The following SRCAP variants were observed in gnomAD, a reference collection of about 807,000 sequenced individuals.
SRCAP encodes Snf2 related CREBBP activator protein.
Under a neutral mutation model 263.1 loss-of-function variants are expected in SRCAP, and 46 were observed. The observed-to-expected ratio is 0.17, with a 90% CI of 0.14 to 0.22. The LOEUF is 0.22. Ranked by LOEUF, SRCAP falls within the 10% of genes least tolerant of loss-of-function variation. The pLI, the probability that SRCAP is intolerant of heterozygous loss-of-function variation, is 1.00. For synonymous variants in SRCAP, 1,813 were observed against 1,662.1 expected (o/e 1.09, Z -2.21); for missense variants, 3,695 against 4,181.9 (o/e 0.88, Z 3.21).
chr16:30,730,495 G>A (rs966735081), intron 27 of SRCAP, among the ~76,000 whole-genome samples: 35 of 151,762 alleles, frequency 2.3e-4, no homozygotes, highest in Admixed American at 3.9e-4. Flanking sequence ...GCAGTGGCTC[G>A]ATCTCGGCTC....
Position 30,713,529 on chromosome 16 carries a change from C to A in SRCAP, c.2311C>A (p.Leu771Met). 1 of 1,614,166 alleles carries A rather than the reference C, an allele frequency of 6.2e-7. No individual in the cohort carries two copies. Reference sequence around the variant, plus strand: ...TCTGTCTCTTTGCAGCCAGAGACGCCTGCTCCTGACAGGAACTCCCTTGCA... The same window carrying A: ...TCTGTCTCTTTGCAGCCAGAGACGCATGCTCCTGACAGGAACTCCCTTGCA... The part of the protein sequence containing the change: ...SLLNFNSQRR[L>M]LLTGTPLQNS... Residue 771 changes from leucine to methionine, a missense_variant, in exon 16 of 34, where the codon CTG (leucine) becomes ATG (methionine). By Grantham distance (15) the Leu-to-Met change is conservative (BLOSUM62 2). Transcript: ENST00000262518.
At chr16:30,716,845 A>G in intron 18 of SRCAP, among the ~76,000 whole-genome samples, 1 of 152,146 alleles carries the variant, frequency 6.6e-6, no homozygotes, top group East Asian at 1.9e-4. Flanking sequence ...CGTCTGCATC[A>G]CATTTTGTTT....
rs1596663662 is a variant in SRCAP, at chr16:30,733,120, G to A, written c.6128-160G>A. On this transcript the variant is annotated intron_variant, in intron 27 of 33. Transcript: ENST00000262518. This position sits in a 1 kb window ranked among gnomAD's most constrained non-coding sequence, Gnocchi z 5.3. ...CAGAGTGCAGGGACTACAGGTGTGAGCCACCATGCCCTGCCGTAGTTAAAC... is the reference window on the plus strand; with the variant it reads ...CAGAGTGCAGGGACTACAGGTGTGAACCACCATGCCCTGCCGTAGTTAAAC... Among the ~76,000 whole-genome samples the A allele has an allele frequency of 1.3e-5, 2 of 152,208 alleles. No individual in the cohort carries two copies. The highest frequency in any genetic ancestry group is 2.9e-5 in the Non-Finnish European group (2 of 68,038).
intron 23 of SRCAP, 74 bp downstream of exon 23, chr16:30,722,822 TCC>T: frequency 6.4e-7 from 1 of 1,553,520 alleles, no homozygotes; most frequent in Non-Finnish European, 8.7e-7. Context: ...CTACTGTCTG[TCC>T]AGCCTTCCCT....
intron 31 of SRCAP, among the ~76,000 whole-genome samples, chr16:30,735,625 G>A (rs185939683): frequency 8.8e-6 from 1 of 113,780 alleles, no homozygotes; most frequent in Non-Finnish European, 1.6e-5. Context: ...CTTTCGCCCA[G>A]GCTAGAGTGC....
intron 27 of SRCAP, among the ~76,000 whole-genome samples, chr16:30,729,800 G>C (rs1465654862): frequency 2.0e-5 from 3 of 151,990 alleles, no homozygotes; most frequent in African/African-American, 7.3e-5. Flanking sequence ...ACAAAGTCTC[G>C]CTCAGTCGCC....
In SRCAP at chr16:30,720,691, C is replaced by T. The variant is rs756127955; in HGVS notation, c.2988-22C>T. 10 of 1,572,358 alleles carry T rather than the reference C, an allele frequency of 6.4e-6. No individual in the cohort carries two copies. In the East Asian group the frequency reaches 1.8e-4, roughly 28 times the overall value. ...CTTATTCTCCTTCTGTCCCTACCCA[C>T]TCTCTTAATTTTTTCTCACAGGATG... On this transcript the variant is annotated intron_variant, in intron 19 of 33. Transcript: ENST00000262518.
intron 18 of SRCAP, among the ~76,000 whole-genome samples, chr16:30,717,452 G>C (rs1399980190): frequency 6.6e-6 from 1 of 151,248 alleles, no homozygotes; most frequent in Non-Finnish European, 1.5e-5. Context: ...TGTTTTTGGT[G>C]GTTTTTTTTT....
Position 30,737,605 on chromosome 16 carries a change from C to T in SRCAP, c.7565C>T (p.Thr2522Ile), listed in dbSNP as rs776374123. The T allele has an allele frequency of 1.2e-6, 2 of 1,614,094 alleles. No individual in the cohort carries two copies. Among genetic ancestry groups the T allele is most frequent in the South Asian group, 2.2e-5 (2 of 91,082 alleles). The change falls in exon 34 of 34, where the codon ACT becomes ATT. Residue 2522 changes from threonine (T) to isoleucine (I), a missense_variant. Transcript: ENST00000262518. ...CCTCCAGCCCAAACCTGTCTTGTAA[C>T]TCCTTCCTCTCCTCTCTTGCTTGGT... ...TPPPAQTCLV[T>I]PSSPLLLGPP...
chr16:30,713,089 G>C, intron 14 of SRCAP, 119 bp from the exon 15 acceptor site: 1 of 1,177,690 alleles, frequency 8.5e-7, no homozygotes, highest in South Asian at 1.4e-5. Context: ...CCATTCTTTT[G>C]CTGGGACTTT....
Position 30,712,842 on chromosome 16 carries a change from C to G in SRCAP, c.2130+27C>G, listed in dbSNP as rs750668621. The G allele has an allele frequency of 4.3e-6, 7 of 1,611,754 alleles. No homozygotes were observed. In the Admixed American group the frequency reaches 1.0e-4, roughly 23 times the overall value. ...TTCGATGTTTCATGTGGTCACTTTC[C>G]TCCCATTGATGCCTCCTTTATTTTT... On this transcript the variant is annotated intron_variant, in intron 14 of 33. Transcript: ENST00000262518.
At chr16:30,705,400 T>C (rs746460552) in intron 4 of SRCAP, among the ~76,000 whole-genome samples, 1 of 152,172 alleles carries the variant, frequency 6.6e-6, no homozygotes, top group Non-Finnish European at 1.5e-5. Flanking sequence ...ATTTTTATTT[T>C]ATTTATTTAT....
chr16:30,738,522 C>T lies in SRCAP; in HGVS notation c.8482C>T (p.Arg2828Cys), dbSNP rs144623507. 1,171 of 1,611,910 alleles carry T rather than the reference C, an allele frequency of 7.3e-4. No homozygotes were observed. Among genetic ancestry groups the T allele is most frequent in the Non-Finnish European group, 9.5e-4 (1,123 of 1,178,980 alleles). The part of the protein sequence containing the change: ...PTPPQQPFIA[R>C]RHIELGVTGG... ...TCCACCCCAGCAGCCCTTCATTGCT[C>T]GCCGTCACATTGAGCTGGGGGTGAC... is the stretch of plus-strand genomic sequence containing the variant. Residue 2828 changes from arginine (R) to cysteine (C), a missense_variant, in exon 34 of 34, where the codon CGC (arginine) becomes TGC (cysteine). Physicochemically the swap from Arg to Cys is radical, Grantham distance 180. Coordinates refer to ENST00000262518, the MANE Select transcript of SRCAP (RefSeq NM_006662.3).
chr16:30,710,922 C>G, intron 9 of SRCAP, 75 bp downstream of exon 9: 1 of 1,598,930 alleles, frequency 6.3e-7, no homozygotes, highest in Admixed American at 1.7e-5. Context: ...TTCAGGCTTT[C>G]TCATCTGTTT....
intron 10 of SRCAP, 36 bp from the exon 11 acceptor site, chr16:30,711,535 C>A: frequency 6.5e-7 from 1 of 1,549,958 alleles, no homozygotes; most frequent in Non-Finnish European, 8.7e-7. Context: ...TCTCCCTCCC[C>A]TCAGAGCAAC....
chr16:30,739,616 C>T lies in SRCAP; in HGVS notation c.9576C>T (p.Gly3192=), dbSNP rs1339562901. Reference sequence around the variant, plus strand: ...ATGGGACCCCACGCCGACGTCCTGGCCCCCGCCGGCTTGTTGGGACCACCA... The same window carrying T: ...ATGGGACCCCACGCCGACGTCCTGGTCCCCGCCGGCTTGTTGGGACCACCA... The part of the protein sequence containing the change: ...EGDGTPRRRP[G]PRRLVGTTNQ... Residue 3192 remains glycine, a synonymous_variant, in exon 34 of 34, where the codon GGC becomes GGT. Coordinates refer to ENST00000262518, the MANE Select transcript of SRCAP (RefSeq NM_006662.3). 2.5e-6 allele frequency: 4 copies of T among 1,590,916 alleles called. No individual in the cohort carries two copies. The highest frequency in any genetic ancestry group is 3.4e-6 in the Non-Finnish European group (4 of 1,169,626).
chr16:30,703,161 A>G (rs1056396618), intron 3 of SRCAP, among the ~76,000 whole-genome samples: 2 of 151,136 alleles, frequency 1.3e-5, no homozygotes, highest in Non-Finnish European at 2.9e-5. Flanking sequence ...ATATATATAT[A>G]TATATATGTA....
At chr16:30,735,339 G>A (rs2053150426) in intron 31 of SRCAP, among the ~76,000 whole-genome samples, 1 of 150,608 alleles carries the variant, frequency 6.6e-6, no homozygotes, top group South Asian at 2.1e-4. Flanking sequence ...GTAGAGACAG[G>A]GTTTCACCGT....
chr16:30,725,124 C>G (rs762049262), intron 25 of SRCAP, 42 bp downstream of exon 25: 1 of 1,561,160 alleles, frequency 6.4e-7, no homozygotes, highest in South Asian at 1.2e-5. Flanking sequence ...AGTTGAGTTT[C>G]TTTGGAGTGT....
Sources: gnomAD v4.1 joint callset for allele counts (sites outside exome capture counted in the v4.1 genomes callset) on GRCh38, gnomAD v4.1.1 for gene constraint, Gnocchi (gnomAD v3.1) non-coding constraint, MANE v1.5 for transcripts, NCBI Gene and HGNC (gene_info 2026-07-23, HGNC 2026-07-21) for gene names.